SHC3: variants seen among roughly 807,000 people sequenced by gnomAD.
SHC3 encodes the protein SHC adaptor protein 3, also known as SHC-transforming protein 3.
A neutral mutation model predicts 60.4 loss-of-function variants in SHC3; 15 were observed. That is an observed-to-expected ratio of 0.25 (90% CI 0.17 to 0.38). The LOEUF (loss-of-function observed/expected upper bound fraction) is 0.38. Among genes scored for constraint, SHC3 ranks in the 10% least tolerant of loss-of-function variants. The probability of loss-of-function intolerance (pLI) is 1.00; values close to 1 mark genes in which losing one functional copy is unlikely to be tolerated. For synonymous variants in SHC3, 294 were observed against 325.9 expected (o/e 0.90, Z 1.05); for missense variants, 677 against 786.1 (o/e 0.86, Z 1.66).
chr9:89,062,110 A>G (rs566370026), intron 6 of SHC3, among the ~76,000 whole-genome samples: 7 of 152,358 alleles, frequency 4.6e-5, no homozygotes, highest in African/African-American at 1.7e-4. Flanking sequence ...TAATTTGAGC[A>G]TCATTTGGTA....
At chr9:89,057,077 C>G (rs1184496160) in intron 6 of SHC3, among the ~76,000 whole-genome samples, 1 of 152,208 alleles carries the variant, frequency 6.6e-6, no homozygotes, top group Non-Finnish European at 1.5e-5. Flanking sequence ...CTGGCCAGGG[C>G]ATGGGGAACC....
chr9:89,104,943 C>A (rs781001735), intron 2 of SHC3, among the ~76,000 whole-genome samples: 4 of 152,174 alleles, frequency 2.6e-5, no homozygotes, highest in Admixed American at 6.5e-5. Flanking sequence ...AAAGGAGGGA[C>A]GTCGCCATGC....
chr9:89,045,949 T>C, intron 8 of SHC3, 116 bp from the exon 9 acceptor site: 1 of 915,236 alleles, frequency 1.1e-6, no homozygotes, highest in Non-Finnish European at 1.7e-6. Context: ...CATCCTCTGT[T>C]ACACCCAATT....
chr9:89,044,222 A>G (rs1226217188), intron 9 of SHC3, among the ~76,000 whole-genome samples: 1 of 152,256 alleles, frequency 6.6e-6, no homozygotes, highest in African/African-American at 2.4e-5. Flanking sequence ...AAATGTGTGT[A>G]GAACAAGGAT....
chr9:89,128,844 T>C (rs1826201271), intron 1 of SHC3, among the ~76,000 whole-genome samples: 1 of 152,144 alleles, frequency 6.6e-6, no homozygotes, highest in Admixed American at 6.5e-5. Flanking sequence ...AGATCACCTC[T>C]TCTACTCCAA....
chr9:89,038,340 G>GA lies in SHC3; in HGVS notation c.1361-53dup. ...CAAGTCAATCCCAAGAAGAGCAAAT[G>GA]ATAAAAAAAAAAAAAAAAAAATACA... On this transcript the variant is annotated intron_variant, in intron 10 of 11. Coordinates refer to ENST00000375835, the MANE Select transcript of SHC3 (RefSeq NM_016848.6). 4.5e-6 allele frequency: 4 copies of GA among 880,546 alleles called. No individual in the cohort carries two copies. In the African/African-American group the frequency reaches 8.2e-5, roughly 18 times the overall value. The allele number at this position is 880,546 out of a possible 1,614,324, so 54.5% of individuals were successfully genotyped here. A position where few individuals can be genotyped will look rare whatever the true frequency, so the allele number is the denominator to read the frequency against.
Position 89,008,896 on chromosome 9 carries a change from A to G in SHC3, c.*4551T>C, listed in dbSNP as rs1125467. The G allele has an allele frequency of 0.38, 57,005 of 151,990 alleles. 11,446 individuals carry two copies. Among genetic ancestry groups the G allele is most frequent in the Admixed American group, 0.46 (6,992 of 15,270 alleles). 9.4% of individuals were successfully genotyped at this position (151,990 alleles called of 1,614,324 possible). A position where few individuals can be genotyped will look rare whatever the true frequency, so the allele number is the denominator to read the frequency against. On this transcript the variant is annotated 3_prime_UTR_variant, in exon 12 of 12. Coordinates refer to ENST00000375835, the MANE Select transcript of SHC3 (RefSeq NM_016848.6). ...TCCCTACTTCCGGGATCTTCACTCAAATAAACTACATAACCTCAAGTCCTC... is the reference window on the plus strand; with the variant it reads ...TCCCTACTTCCGGGATCTTCACTCAGATAAACTACATAACCTCAAGTCCTC...
intron 2 of SHC3, chr9:89,110,507 A>C: frequency 2.0e-5 from 19 of 951,360 alleles, no homozygotes; most frequent in South Asian, 4.8e-5. Flanking sequence ...TAAAAGCTCC[A>C]CAGTGTGCTA....
intron 10 of SHC3, among the ~76,000 whole-genome samples, chr9:89,039,021 G>T (rs754118845): frequency 1.3e-5 from 2 of 152,246 alleles, no homozygotes; most frequent in Non-Finnish European, 2.9e-5. Flanking sequence ...AGCAAAAGAA[G>T]TAGCCAGGCA....
chr9:89,172,828 G>A (rs1328286769), intron 1 of SHC3, among the ~76,000 whole-genome samples: 2 of 152,102 alleles, frequency 1.3e-5, no homozygotes, highest in African/African-American at 2.4e-5. Flanking sequence ...TACTGCCCTT[G>A]GGTATTTTCA....
chr9:89,028,897 T>C (rs1490268378), intron 11 of SHC3, among the ~76,000 whole-genome samples: 1 of 147,946 alleles, frequency 6.8e-6, no homozygotes, highest in East Asian at 2.0e-4. Context: ...AATCTATATC[T>C]ATTAATCTAT....
At chr9:89,094,481 A>C (rs939165692) in intron 2 of SHC3, among the ~76,000 whole-genome samples, 3 of 152,218 alleles carry the variant, frequency 2.0e-5, no homozygotes, top group Non-Finnish European at 4.4e-5. Context: ...ATGATGACTC[A>C]ATGACATGCA....
intron 1 of SHC3, among the ~76,000 whole-genome samples, chr9:89,149,204 T>A (rs1826511060): frequency 6.6e-6 from 1 of 152,170 alleles, no homozygotes; most frequent in African/African-American, 2.4e-5. Context: ...AATTCGCTTT[T>A]CCTAAAATTT....
chr9:89,110,440 C>G, intron 2 of SHC3: 1 of 985,106 alleles, frequency 1.0e-6, no homozygotes, highest in Non-Finnish European at 1.2e-6. Flanking sequence ...ATAAAGTAAA[C>G]CATGGCAGTG....
chr9:89,136,028 T>A (rs563702146), intron 1 of SHC3, among the ~76,000 whole-genome samples: 118 of 152,286 alleles, frequency 7.7e-4, no homozygotes, highest in African/African-American at 2.7e-3. Context: ...AGATATCACA[T>A]TTTGTCAGAG....
In SHC3 at chr9:89,027,506, C is replaced by A. The variant is rs112933341; in HGVS notation, c.1656+10487G>T. ...TAATTTTTTGTATTTTTAGTAGAAA[C>A]GGGGTTTCACCATGTTAGCCAGGAT... On this transcript the variant is annotated intron_variant, in intron 11 of 11. Coordinates refer to ENST00000375835, the MANE Select transcript of SHC3 (RefSeq NM_016848.6). 9.9e-5 allele frequency among the ~76,000 whole-genome samples: 15 copies of A among 152,026 alleles called. No homozygotes were observed. The East Asian group carries it at 2.9e-3, about 29-fold the overall frequency.
At chr9:89,085,698 C>A (rs1182691300) in intron 2 of SHC3, among the ~76,000 whole-genome samples, 2 of 152,236 alleles carry the variant, frequency 1.3e-5, no homozygotes, top group Non-Finnish European at 2.9e-5. Flanking sequence ...TCATACAAGG[C>A]TTTCCTGGGG....
intron 1 of SHC3, among the ~76,000 whole-genome samples, chr9:89,155,127 A>AC (rs1230346042): frequency 1.3e-5 from 2 of 151,554 alleles, no homozygotes; most frequent in Non-Finnish European, 2.9e-5. Flanking sequence ...TGGCCTGCTG[A>AC]CCCCCTCTCT....
intron 2 of SHC3, 77 bp from the exon 3 acceptor site, chr9:89,077,980 T>C: frequency 6.6e-7 from 1 of 1,523,154 alleles, no homozygotes; most frequent in Non-Finnish European, 9.1e-7. Context: ...CACTTGCACA[T>C]CCAAAGAAAA....
Sources: allele counts gnomAD v4.1 joint callset (sites outside exome capture counted in the v4.1 genomes callset), GRCh38; gene constraint gnomAD v4.1.1; transcripts MANE v1.5; gene names NCBI Gene and HGNC (gene_info 2026-07-23, HGNC 2026-07-21).